NRP1: variants seen among roughly 807,000 people sequenced by gnomAD.
NRP1 encodes neuropilin-1.
Under a neutral mutation model 106.7 loss-of-function variants are expected in NRP1, and 35 were observed. That is an observed-to-expected ratio of 0.33 (90% CI 0.25 to 0.43). NRP1 has a LOEUF of 0.43. Among genes scored for constraint, NRP1 ranks in the 20% least tolerant of loss-of-function variants. The pLI is 1.00. For missense variants in NRP1, 1,024 were observed against 1,170.4 expected (o/e 0.87, Z 1.83); for synonymous variants, 437 against 417.9 (o/e 1.05, Z -0.56).
rs796667507 is a variant in NRP1 at position 33,185,817 on chromosome 10, A to C, written c.2335-93T>G. ...TGTTCAGCTCCAGCTACGGCACATAAATTAAATTCATCAGATTCAGCGTAA... is the reference window on the plus strand; with the variant it reads ...TGTTCAGCTCCAGCTACGGCACATACATTAAATTCATCAGATTCAGCGTAA... On this transcript the variant is annotated intron_variant, in intron 14 of 16. Coordinates refer to ENST00000374867, the MANE Select transcript of NRP1 (RefSeq NM_003873.7). The C allele has an allele frequency of 1.6e-5, 17 of 1,094,038 alleles. No homozygotes were observed. In the African/African-American group the frequency reaches 2.6e-4, roughly 17 times the overall value. The allele number at this position is 1,094,038 out of a possible 1,614,324, so 67.8% of individuals were successfully genotyped here.
chr10:33,325,878 T>C (rs551622423), intron 2 of NRP1, among the ~76,000 whole-genome samples: 7 of 152,322 alleles, frequency 4.6e-5, no homozygotes, highest in African/African-American at 1.7e-4. Flanking sequence ...AAAGCAACTG[T>C]GCCATGATAT....
At chr10:33,273,317 G>A (rs937040808) in intron 2 of NRP1, among the ~76,000 whole-genome samples, 1 of 152,174 alleles carries the variant, frequency 6.6e-6, no homozygotes, top group Non-Finnish European at 1.5e-5. Context: ...AGGGTGTACT[G>A]CGCACAAGTT....
At chr10:33,191,516 C>A (rs891441009) in intron 13 of NRP1, among the ~76,000 whole-genome samples, 1 of 152,116 alleles carries the variant, frequency 6.6e-6, no homozygotes, top group Non-Finnish European at 1.5e-5. Flanking sequence ...ATAATATATG[C>A]TTGGACTTGT....
In NRP1 at chr10:33,303,923, G is replaced by A. The variant is rs547583133; in HGVS notation, c.248+26785C>T. On this transcript the variant is annotated intron_variant, in intron 2 of 16. Transcript: ENST00000374867. ...GATATACACTGATATAAGCTCCAGT[G>A]TTTTCTCTGATTAACATCAAATAAT... 5.3e-5 allele frequency among the ~76,000 whole-genome samples: 8 copies of A among 152,244 alleles called. No individual in the cohort carries two copies. In the East Asian group the frequency reaches 1.5e-3, roughly 29 times the overall value.
chr10:33,332,085 A>C (rs1218432483), intron 1 of NRP1, among the ~76,000 whole-genome samples: 1 of 152,162 alleles, frequency 6.6e-6, no homozygotes, highest in Non-Finnish European at 1.5e-5. Flanking sequence ...ATGAAAGATG[A>C]AGTGCACATC....
intron 15 of NRP1, 39 bp from the exon 16 acceptor site, chr10:33,182,787 GC>G: frequency 6.7e-7 from 1 of 1,491,550 alleles, no homozygotes; most frequent in Non-Finnish European, 9.3e-7. Context: ...TATTTGAACT[GC>G]CATCAAAATA....
At chr10:33,299,995 C>T (rs918001750) in intron 2 of NRP1, among the ~76,000 whole-genome samples, 2 of 152,320 alleles carry the variant, frequency 1.3e-5, no homozygotes, top group Non-Finnish European at 2.9e-5. Flanking sequence ...AAAAAGTTCA[C>T]ACTCTGAACT....
chr10:33,225,153 G>A (rs1315351718), intron 7 of NRP1, among the ~76,000 whole-genome samples: 1 of 152,148 alleles, frequency 6.6e-6, no homozygotes, highest in African/African-American at 2.4e-5. Context: ...CTACAGAACA[G>A]CTGTCTATCT....
At chr10:33,293,543 C>A (rs1845155034) in intron 2 of NRP1, among the ~76,000 whole-genome samples, 1 of 152,166 alleles carries the variant, frequency 6.6e-6, no homozygotes, top group East Asian at 1.9e-4. Context: ...GAAACAGAGC[C>A]CCCCGTAAGT....
intron 9 of NRP1, among the ~76,000 whole-genome samples, chr10:33,208,733 T>C (rs1838025239): frequency 1.3e-5 from 2 of 152,072 alleles, no homozygotes; most frequent in African/African-American, 4.8e-5. Context: ...ACTCATTTAA[T>C]CCTCAGAACA....
chr10:33,197,512 T>G (rs1463329211), intron 12 of NRP1, 138 bp downstream of exon 12: 3 of 533,578 alleles, frequency 5.6e-6, no homozygotes, highest in Non-Finnish European at 9.8e-6. Flanking sequence ...AAGCAATATT[T>G]ATGGCTCATG....
chr10:33,192,272 C>T lies in NRP1; in HGVS notation c.2062+9G>A, dbSNP rs754430150. The T allele has an allele frequency of 1.5e-5, 24 of 1,611,840 alleles. No homozygotes were observed. The highest frequency in any genetic ancestry group is 4.0e-5 in the African/African-American group (3 of 74,796). ...CAAAGCCATGCAGCCGAAGTGAACT[C>T]TGTGATACCTGTGTGATCCTGAATG... On this transcript the variant is annotated intron_variant, in intron 13 of 16. Transcript: ENST00000374867.
At chr10:33,325,153 G>C (rs1847798819) in intron 2 of NRP1, among the ~76,000 whole-genome samples, 1 of 152,018 alleles carries the variant, frequency 6.6e-6, no homozygotes, top group Non-Finnish European at 1.5e-5. Flanking sequence ...CTTGGGTTGT[G>C]TATTTTTCTA....
chr10:33,204,056 T>C (rs917797376), intron 10 of NRP1, among the ~76,000 whole-genome samples: 17 of 152,162 alleles, frequency 1.1e-4, no homozygotes, highest in African/African-American at 4.1e-4. Context: ...TTTTAGCCTG[T>C]TACTCATTTT....
intron 6 of NRP1, among the ~76,000 whole-genome samples, chr10:33,237,913 A>C (rs1304936356): frequency 6.6e-6 from 1 of 152,154 alleles, no homozygotes; most frequent in Non-Finnish European, 1.5e-5. Context: ...AGCAAAGATA[A>C]GTGTCCTCTC....
chr10:33,303,941 C>A (rs1845974123), intron 2 of NRP1, among the ~76,000 whole-genome samples: 1 of 152,126 alleles, frequency 6.6e-6, no homozygotes, highest in South Asian at 2.1e-4. Flanking sequence ...TGATTAACAT[C>A]AAATAATATT....
intron 11 of NRP1, among the ~76,000 whole-genome samples, chr10:33,199,378 T>A (rs1837063402): frequency 1.5e-5 from 1 of 67,434 alleles, no homozygotes; most frequent in African/African-American, 6.1e-5. Context: ...TATATATATA[T>A]ATATATATAT....
At chr10:33,193,363 T>C (rs1836547662) in intron 12 of NRP1, among the ~76,000 whole-genome samples, 1 of 152,230 alleles carries the variant, frequency 6.6e-6, no homozygotes, top group Non-Finnish European at 1.5e-5. Context: ...ATGACTGTTG[T>C]TTTGGTAAAC....
intron 2 of NRP1, among the ~76,000 whole-genome samples, chr10:33,306,422 T>C (rs1846173481): frequency 6.6e-6 from 1 of 151,476 alleles, no homozygotes; most frequent in Non-Finnish European, 1.5e-5. Flanking sequence ...TGAGAATCAC[T>C]GAAAGCAGCT....
Sources: gnomAD v4.1 joint callset for allele counts (sites outside exome capture counted in the v4.1 genomes callset) on GRCh38, gnomAD v4.1.1 for gene constraint, MANE v1.5 for transcripts, NCBI Gene and HGNC (gene_info 2026-07-23, HGNC 2026-07-21) for gene names.